Variants in GUCY1A2 observed in about 807,000 individuals in gnomAD.
The protein encoded by GUCY1A2 is guanylate cyclase soluble subunit alpha-2.
Under a neutral mutation model 63.5 loss-of-function variants are expected in GUCY1A2, and 27 were observed. The observed-to-expected ratio is 0.43, with a 90% CI of 0.31 to 0.59. GUCY1A2 has a LOEUF of 0.59. Ranked by LOEUF, GUCY1A2 falls within the 20% of genes least tolerant of loss-of-function variation. The pLI, the probability that GUCY1A2 is intolerant of heterozygous loss-of-function variation, is 0.11. For synonymous variants in GUCY1A2, 364 were observed against 343.5 expected, an observed-to-expected ratio of 1.06 and a Z score of -0.66; for missense variants, 768 against 913.3, an observed-to-expected ratio of 0.84 and a Z score of 2.05.
chr11:106,728,785 A>C (rs1414146661), intron 6 of GUCY1A2, among the ~76,000 whole-genome samples: 3 of 152,206 alleles, frequency 2.0e-5, no homozygotes, highest in Non-Finnish European at 4.4e-5. Context: ...CTACACTCTG[A>C]GAGGAGGGAC....
Position 106,676,139 on chromosome 11 carries a change from G to T in GUCY1A2, c.*11410C>A, listed in dbSNP as rs1175843350. On this transcript the variant is annotated 3_prime_UTR_variant, in exon 8 of 8. Coordinates refer to ENST00000526355, the MANE Select transcript of GUCY1A2 (RefSeq NM_000855.3). ...ATACATAAAAATAAAAAACCAGAAA[G>T]AATACAATTTTAAGTTTGGGAGATT... 1.1e-5 allele frequency: 2 copies of T among 180,840 alleles called. No homozygotes were observed. Among genetic ancestry groups the T allele is most frequent in the Non-Finnish European group, 2.4e-5 (2 of 84,792 alleles). The allele number at this position is 180,840 out of a possible 1,614,324, so 11.2% of individuals were successfully genotyped here.
intron 4 of GUCY1A2, among the ~76,000 whole-genome samples, chr11:106,868,851 A>G (rs574624618): frequency 2.0e-5 from 3 of 152,342 alleles, no homozygotes; most frequent in Admixed American, 2.0e-4. Context: ...ATCTGACTTC[A>G]AACCATACTA....
chr11:106,771,748 T>G (rs1864260365), intron 6 of GUCY1A2, among the ~76,000 whole-genome samples: 2 of 144,164 alleles, frequency 1.4e-5, no homozygotes, highest in Non-Finnish European at 3.1e-5. Flanking sequence ...CAAGACCCTG[T>G]GTCTTGAGGA....
intron 6 of GUCY1A2, among the ~76,000 whole-genome samples, chr11:106,750,735 T>TA (rs59179865): frequency 0.073 from 10,989 of 149,712 alleles, 724 homozygotes; most frequent in African/African-American, 0.18. Flanking sequence ...ATAGTGGATG[T>TA]AAAAAAAAAA....
At chr11:106,696,081 T>G (rs541860415) in intron 7 of GUCY1A2, among the ~76,000 whole-genome samples, 26 of 152,264 alleles carry the variant, frequency 1.7e-4, no homozygotes, top group Admixed American at 2.0e-4. Context: ...TGATACCTGC[T>G]AGAGAGTGTA....
At chr11:106,720,086 T>C (rs1306663963) in intron 6 of GUCY1A2, among the ~76,000 whole-genome samples, 1 of 152,172 alleles carries the variant, frequency 6.6e-6, no homozygotes, top group East Asian at 1.9e-4. Flanking sequence ...CACAAAAATA[T>C]ATGTTTAATT....
chr11:106,802,991 G>A (rs1314986903), intron 5 of GUCY1A2, among the ~76,000 whole-genome samples: 1 of 151,952 alleles, frequency 6.6e-6, no homozygotes, highest in Non-Finnish European at 1.5e-5. Flanking sequence ...ATTAAATATC[G>A]ATAGGGACAA....
At chr11:106,709,874 T>C (rs369595115) in intron 6 of GUCY1A2, among the ~76,000 whole-genome samples, 1 of 29,934 alleles carries the variant, frequency 3.3e-5, no homozygotes, top group Non-Finnish European at 8.8e-5. Context: ...ACGTATAGAA[T>C]ATATAGTTAT....
At chr11:106,854,271 G>C (rs1565310657) in intron 4 of GUCY1A2, among the ~76,000 whole-genome samples, 1 of 152,214 alleles carries the variant, frequency 6.6e-6, no homozygotes. Flanking sequence ...GACACCAGAA[G>C]TAGTGTTTGT....
intron 7 of GUCY1A2, among the ~76,000 whole-genome samples, chr11:106,694,228 T>C (rs185092989): frequency 1.0e-3 from 152 of 152,334 alleles, no homozygotes; most frequent in African/African-American, 3.4e-3. Context: ...CTCACTGTTA[T>C]GAATGTAGAC....
chr11:106,745,004 T>A lies in GUCY1A2; in HGVS notation c.1836+31435A>T, dbSNP rs1863762713. 2.0e-5 allele frequency among the ~76,000 whole-genome samples: 3 copies of A among 152,134 alleles called. No homozygotes were observed. In the South Asian group the frequency reaches 6.2e-4, roughly 31 times the overall value. The stretch of plus-strand genomic sequence containing the variant: ...CTACTTTGTATAAAATTATTTAAAA[T>A]ACTATCTAAAACACTGTTAATTATG... On this transcript the variant is annotated intron_variant, in intron 6 of 7. Transcript: ENST00000526355.
chr11:106,828,209 A>G (rs1859000997), intron 4 of GUCY1A2, among the ~76,000 whole-genome samples: 2 of 151,840 alleles, frequency 1.3e-5, no homozygotes, highest in African/African-American at 4.8e-5. Context: ...ATAAAGTCAC[A>G]TTTGTCTATT....
At chr11:106,714,669 A>G (rs182264680) in intron 6 of GUCY1A2, among the ~76,000 whole-genome samples, 9 of 152,310 alleles carry the variant, frequency 5.9e-5, no homozygotes, top group Non-Finnish European at 1.0e-4. Flanking sequence ...CACTAAACCA[A>G]TGGTTCTCAC....
rs1348131459 is a variant in GUCY1A2, at chr11:106,679,105, T to C, written c.*8444A>G. On this transcript the variant is annotated 3_prime_UTR_variant, in exon 8 of 8. Coordinates refer to ENST00000526355, the MANE Select transcript of GUCY1A2 (RefSeq NM_000855.3). ...GTTGACTCTTTCAGGACAATAAATC[T>C]TTGTCTTAAATTCTTTTTCTAACTG... The C allele has an allele frequency of 1.1e-5, 2 of 184,606 alleles. No individual in the cohort carries two copies. Among genetic ancestry groups the C allele is most frequent in the Non-Finnish European group, 2.3e-5 (2 of 87,034 alleles). The allele number at this position is 184,606 out of a possible 1,614,324, so 11.4% of individuals were successfully genotyped here.
chr11:106,798,712 C>G (rs1299751466), intron 5 of GUCY1A2, among the ~76,000 whole-genome samples: 2 of 152,152 alleles, frequency 1.3e-5, no homozygotes. Flanking sequence ...CAAAATTCAA[C>G]AGCCCTTCAT....
At chr11:106,930,189 T>C (rs1860582019) in intron 4 of GUCY1A2, among the ~76,000 whole-genome samples, 1 of 152,188 alleles carries the variant, frequency 6.6e-6, no homozygotes, top group Admixed American at 6.6e-5. Flanking sequence ...GTAGTTATTT[T>C]AAAAAGAAAT....
chr11:106,845,296 G>T (rs1343682289), intron 4 of GUCY1A2, among the ~76,000 whole-genome samples: 3 of 150,842 alleles, frequency 2.0e-5, no homozygotes, highest in South Asian at 2.1e-4. Flanking sequence ...AAAAAAAAAT[G>T]CTCCATTTTC....
chr11:106,930,227 T>C (rs948145140), intron 4 of GUCY1A2, among the ~76,000 whole-genome samples: 5 of 152,194 alleles, frequency 3.3e-5, no homozygotes, highest in Non-Finnish European at 4.4e-5. Flanking sequence ...GCCCACTGAC[T>C]ATGAGGTTGG....
chr11:106,958,079 C>CA (rs1240336144), intron 3 of GUCY1A2, among the ~76,000 whole-genome samples: 1 of 152,096 alleles, frequency 6.6e-6, no homozygotes, highest in Non-Finnish European at 1.5e-5. Context: ...GTAGCTATTA[C>CA]AGTAGCATCA....
Sources: gnomAD v4.1 joint callset for allele counts (sites outside exome capture counted in the v4.1 genomes callset) on GRCh38, gnomAD v4.1.1 for gene constraint, MANE v1.5 for transcripts, NCBI Gene and HGNC (gene_info 2026-07-23, HGNC 2026-07-21) for gene names.